ANK3: variants seen among roughly 807,000 people sequenced by gnomAD.
ANK3 encodes the protein ankyrin-3.
In ANK3, 57 loss-of-function variants were observed where a neutral mutation model predicts 370.9. The ratio of observed to expected loss-of-function variants is 0.15; its 90% CI spans 0.12 to 0.19. The LOEUF is 0.19. ANK3 is among the 10% of genes least tolerant of loss of function. The pLI, the probability that ANK3 is intolerant of heterozygous loss-of-function variation, is 1.00. For missense variants in ANK3, 4,439 were observed against 5,302.1 expected (o/e 0.84, Z 5.06); for synonymous variants, 1,929 against 1,946.3 (o/e 0.99, Z 0.23).
intron 2 of ANK3, among the ~76,000 whole-genome samples, chr10:60,404,943 G>A (rs1056916652): frequency 6.6e-6 from 1 of 152,100 alleles, no homozygotes; most frequent in Admixed American, 6.5e-5. Context: ...TACATACAGA[G>A]TTGGGGACTA....
rs138781021 is a variant in ANK3 at position 60,258,273 on chromosome 10, T to C, written c.798+3586A>G. ...AGAATGCTGACGCTGCATTGCAGCA[T>C]TCAGCAGCTACTACATTAACTCCCT... On this transcript the variant is annotated intron_variant, in intron 7 of 43. Coordinates refer to ENST00000280772, the MANE Select transcript of ANK3 (RefSeq NM_020987.5). Among the ~76,000 whole-genome samples the C allele has an allele frequency of 9.3e-4, 141 of 152,358 alleles. 1 individual carries two copies. Among genetic ancestry groups the C allele is most frequent in the African/African-American group, 3.2e-3 (132 of 41,586 alleles).
chr10:60,486,900 T>G (rs2075363818), intron 2 of ANK3, among the ~76,000 whole-genome samples: 1 of 152,228 alleles, frequency 6.6e-6, no homozygotes, highest in Non-Finnish European at 1.5e-5. Context: ...CTTTAATTCT[T>G]AAAAGTTATA....
chr10:60,563,634 T>C (rs1297786944), intron 2 of ANK3, among the ~76,000 whole-genome samples: 1 of 152,164 alleles, frequency 6.6e-6, no homozygotes, highest in Non-Finnish European at 1.5e-5. Context: ...TGCTACCAAA[T>C]GTGCTCAGGT....
intron 1 of ANK3, among the ~76,000 whole-genome samples, chr10:60,686,660 G>T (rs917823416): frequency 6.6e-6 from 1 of 151,824 alleles, no homozygotes; most frequent in Non-Finnish European, 1.5e-5. Flanking sequence ...TTTTATTTTG[G>T]TGTAATCTTA....
At chr10:60,295,811 G>T (rs1426376150) in intron 1 of ANK3, among the ~76,000 whole-genome samples, 2 of 152,062 alleles carry the variant, frequency 1.3e-5, no homozygotes, top group African/African-American at 4.8e-5. Context: ...CTTGTTACAT[G>T]CTAACTTAAA....
At chr10:60,622,332 C>T (rs1733021916) in intron 1 of ANK3, among the ~76,000 whole-genome samples, 1 of 151,802 alleles carries the variant, frequency 6.6e-6, no homozygotes, top group Admixed American at 6.6e-5. Context: ...GCAATCTCTG[C>T]CTCCCAGGTA....
intron 1 of ANK3, among the ~76,000 whole-genome samples, chr10:60,677,440 T>C (rs889079615): frequency 6.6e-6 from 1 of 152,118 alleles, no homozygotes; most frequent in Admixed American, 6.6e-5. Flanking sequence ...ATTTAAAAGT[T>C]TAACATATGT....
At chr10:60,352,537 T>C (rs2057041273) in intron 1 of ANK3, among the ~76,000 whole-genome samples, 1 of 152,160 alleles carries the variant, frequency 6.6e-6, no homozygotes. Flanking sequence ...GGAAGTATGA[T>C]ACCAGATCCA....
chr10:60,409,145 G>C (rs2063510223), intron 2 of ANK3, among the ~76,000 whole-genome samples: 2 of 152,160 alleles, frequency 1.3e-5, no homozygotes, highest in Admixed American at 6.5e-5. Context: ...GAGGGTTACA[G>C]CTGATTTCTC....
chr10:60,399,367 C>G (rs2063309020), intron 2 of ANK3, among the ~76,000 whole-genome samples: 3 of 152,140 alleles, frequency 2.0e-5, no homozygotes, highest in Admixed American at 2.0e-4. Flanking sequence ...GCTTGTTCCC[C>G]TTCTCTCACC....
chr10:60,344,533 A>C (rs2054977475), intron 1 of ANK3, among the ~76,000 whole-genome samples: 1 of 152,120 alleles, frequency 6.6e-6, no homozygotes, highest in Non-Finnish European at 1.5e-5. Flanking sequence ...CTGCATCCCC[A>C]AGGTATTCCC....
chr10:60,717,305 C>T (rs746046825), intron 1 of ANK3, among the ~76,000 whole-genome samples: 2 of 152,148 alleles, frequency 1.3e-5, no homozygotes, highest in Non-Finnish European at 2.9e-5. Context: ...TATCCACACC[C>T]TTTGCTCACA....
At position 60,069,261 on chromosome 10, in the gene ANK3, C is replaced by T; in HGVS notation, c.11620G>A (p.Asp3874Asn). 1 of 1,614,136 alleles carries T rather than the reference C, an allele frequency of 6.2e-7. No homozygotes were observed. The highest frequency in any genetic ancestry group is 1.1e-5 in the South Asian group (1 of 91,080). Residue 3874 changes from aspartate to asparagine, a missense_variant, in exon 37 of 44, where the codon GAT becomes AAT. By Grantham distance (23) the Asp-to-Asn change is conservative. Coordinates refer to ENST00000280772, the MANE Select transcript of ANK3 (RefSeq NM_020987.5). The part of the protein sequence containing the change: ...KLPIKATSPK[D>N]TFPPNHMSNT... ...GACATATGGTTCGGTGGGAAGGTAT[C>T]TTTTGGTGAAGTGGCCTTTATGGGA...
chr10:60,255,441 A>G (rs1357314751), intron 7 of ANK3, among the ~76,000 whole-genome samples: 1 of 152,218 alleles, frequency 6.6e-6, no homozygotes, highest in Non-Finnish European at 1.5e-5. Flanking sequence ...TGGGGACCAA[A>G]GGAAAACCTA....
At chr10:60,289,497 G>A (rs759874355) in intron 1 of ANK3, among the ~76,000 whole-genome samples, 4 of 151,338 alleles carry the variant, frequency 2.6e-5, no homozygotes, top group East Asian at 2.0e-4. Context: ...CTGTAGCCTC[G>A]ATCTCCCCAG....
At position 60,071,306 on chromosome 10, in the gene ANK3, T is replaced by C; in HGVS notation, c.9575A>G (p.Tyr3192Cys). Residue 3192 changes from tyrosine (Y) to cysteine (C), a missense_variant, in exon 37 of 44, where the codon TAT (tyrosine) becomes TGT (cysteine). Transcript: ENST00000280772. ...TSKTPDSLIA[Y>C]IPGKPSPIPE... ...AATTGGGCTGGGTTTGCCTGGTATA[T>C]AAGCTATGAGCGAGTCAGGTGTCTT... 6.2e-7 allele frequency: 1 copy of C among 1,614,138 alleles called. No individual in the cohort carries two copies. Among genetic ancestry groups the C allele is most frequent in the Non-Finnish European group, 8.5e-7 (1 of 1,180,012 alleles).
chr10:60,502,384 C>T (rs1051512425), intron 2 of ANK3, among the ~76,000 whole-genome samples: 1 of 152,204 alleles, frequency 6.6e-6, no homozygotes, highest in Admixed American at 6.5e-5. Flanking sequence ...GCTGGACAGA[C>T]CTGAGTTATA....
exon 1 of ANK3, chr10:60,733,445 C>G: frequency 1.1e-6 from 1 of 882,156 alleles, no homozygotes; most frequent in Middle Eastern, 3.9e-4. Context: ...ACACCAAGCG[C>G]GGCCCCGCGA....
At chr10:60,660,226 G>A (rs1258172888) in intron 1 of ANK3, among the ~76,000 whole-genome samples, 1 of 152,048 alleles carries the variant, frequency 6.6e-6, no homozygotes, top group Non-Finnish European at 1.5e-5. Flanking sequence ...CCTACCACAT[G>A]CAGGCACTAA....
Sources: gnomAD v4.1 joint callset for allele counts (sites outside exome capture counted in the v4.1 genomes callset) on GRCh38, gnomAD v4.1.1 for gene constraint, MANE v1.5 for transcripts, NCBI Gene and HGNC (gene_info 2026-07-23, HGNC 2026-07-21) for gene names.